GAREM1: variants seen among roughly 807,000 people sequenced by gnomAD.
GAREM1 encodes the protein GRB2-associated and regulator of MAPK protein 1.
Under a neutral mutation model 71.3 loss-of-function variants are expected in GAREM1, and 26 were observed. That is an observed-to-expected ratio of 0.36 (90% confidence interval 0.27 to 0.51). GAREM1 has a LOEUF of 0.51. Ranked by LOEUF, GAREM1 falls within the 20% of genes least tolerant of loss-of-function variation. The probability of loss-of-function intolerance (pLI) is 0.95; values close to 1 mark genes in which losing one functional copy is unlikely to be tolerated. For missense variants in GAREM1, 1,026 were observed against 1,103.1 expected, an observed-to-expected ratio of 0.93 and a Z score of 0.99; for synonymous variants, 440 against 433.2, an observed-to-expected ratio of 1.02 and a Z score of -0.20.
At chr18:32,281,731 T>C (rs2046952934) in intron 4 of GAREM1, among the ~76,000 whole-genome samples, 1 of 152,172 alleles carries the variant, frequency 6.6e-6, no homozygotes, top group Non-Finnish European at 1.5e-5. Context: ...TCCCAGCACT[T>C]TGGGAGGCTG....
chr18:32,432,653 C>T (rs1031282882), intron 1 of GAREM1, among the ~76,000 whole-genome samples: 1 of 151,998 alleles, frequency 6.6e-6, no homozygotes, highest in African/African-American at 2.4e-5. Flanking sequence ...AACAAGGTAG[C>T]ACTAAGAACA....
rs376682222 is a variant in GAREM1 at position 32,468,995 on chromosome 18, G to A, written c.121+1313C>T. ...CCGCCCCCACCCCACCGCTTCAACAGCTACTGTGATCTGCACTTCATTACT... is the reference window on the plus strand; with the variant it reads ...CCGCCCCCACCCCACCGCTTCAACAACTACTGTGATCTGCACTTCATTACT... On this transcript the variant is annotated intron_variant, in intron 1 of 5. Coordinates refer to ENST00000269209, the MANE Select transcript of GAREM1 (RefSeq NM_001242409.2). Among the ~76,000 whole-genome samples the A allele has an allele frequency of 1.1e-4, 6 of 55,006 alleles. No homozygotes were observed. In the East Asian group the frequency reaches 2.2e-3, roughly 20 times the overall value. 36.1% of individuals were successfully genotyped at this position (55,006 alleles called of 152,430 possible). A position where few individuals can be genotyped will look rare whatever the true frequency, so the allele number is the denominator to read the frequency against.
intron 1 of GAREM1, among the ~76,000 whole-genome samples, chr18:32,442,513 G>T (rs1490695758): frequency 1.3e-5 from 2 of 151,938 alleles, no homozygotes; most frequent in Non-Finnish European, 2.9e-5. Context: ...CATACTAAAG[G>T]ATGAAAAAAC....
At chr18:32,300,530 A>G (rs2047188488) in intron 3 of GAREM1, among the ~76,000 whole-genome samples, 1 of 152,200 alleles carries the variant, frequency 6.6e-6, no homozygotes, top group Non-Finnish European at 1.5e-5. Flanking sequence ...CATGACCAGG[A>G]GGATGGCAGA....
chr18:32,424,636 A>G (rs1229375112), intron 1 of GAREM1, among the ~76,000 whole-genome samples: 1 of 152,226 alleles, frequency 6.6e-6, no homozygotes, highest in Admixed American at 6.5e-5. Flanking sequence ...GATACTGTAT[A>G]TATTTGGAAC....
At chr18:32,323,315 T>C (rs1313455955) in intron 2 of GAREM1, among the ~76,000 whole-genome samples, 1 of 152,218 alleles carries the variant, frequency 6.6e-6, no homozygotes, top group East Asian at 1.9e-4. Context: ...AAGAAATGTG[T>C]GGGAAGTCTA....
chr18:32,361,550 T>A (rs1467538192), intron 2 of GAREM1, among the ~76,000 whole-genome samples: 1 of 152,238 alleles, frequency 6.6e-6, no homozygotes, highest in African/African-American at 2.4e-5. Context: ...TCTTCAAGTT[T>A]TGATTTTACA....
intron 3 of GAREM1, among the ~76,000 whole-genome samples, chr18:32,291,232 CA>C (rs1405540544): frequency 8.5e-6 from 1 of 117,666 alleles, no homozygotes; most frequent in Non-Finnish European, 1.8e-5. Context: ...AAATAAAGTG[CA>C]AAAAAAGTTT....
At chr18:32,286,034 A>G (rs948285778) in intron 4 of GAREM1, among the ~76,000 whole-genome samples, 2 of 152,216 alleles carry the variant, frequency 1.3e-5, no homozygotes, top group Admixed American at 1.3e-4. Flanking sequence ...GGATTCTTCT[A>G]GAGATAGAAA....
At chr18:32,295,747 G>A (rs1225425574) in intron 3 of GAREM1, among the ~76,000 whole-genome samples, 1 of 152,176 alleles carries the variant, frequency 6.6e-6, no homozygotes, top group Non-Finnish European at 1.5e-5. Flanking sequence ...GACATTGTAA[G>A]TACAGAAATG....
rs138503118 is a variant in GAREM1, at chr18:32,453,687, T to C, written c.121+16621A>G. Among the ~76,000 whole-genome samples, 346 of 152,264 alleles carry C rather than the reference T, an allele frequency of 2.3e-3. 3 individuals are homozygous for C. The highest frequency in any genetic ancestry group is 7.8e-3 in the African/African-American group (325 of 41,560). On this transcript the variant is annotated intron_variant, in intron 1 of 5. Coordinates refer to ENST00000269209, the MANE Select transcript of GAREM1 (RefSeq NM_001242409.2). The stretch of plus-strand genomic sequence containing the variant: ...ATGAACTCCTCTTAAGACTGTTAAT[T>C]ACATTTGCAGAGATCTTTTCTCAAA...
intron 2 of GAREM1, among the ~76,000 whole-genome samples, chr18:32,373,880 G>A (rs936078691): frequency 1.8e-4 from 28 of 152,266 alleles, no homozygotes; most frequent in African/African-American, 6.5e-4. Flanking sequence ...AGAATTCCTG[G>A]CAAAATGAAC....
At chr18:32,277,590 A>C (rs192454083) in intron 4 of GAREM1, among the ~76,000 whole-genome samples, 58 of 152,386 alleles carry the variant, frequency 3.8e-4, no homozygotes, top group African/African-American at 1.3e-3. Context: ...TCTATGGTCC[A>C]AATCAAACAC....
chr18:32,434,009 A>G (rs1171451792), intron 1 of GAREM1, among the ~76,000 whole-genome samples: 1 of 152,184 alleles, frequency 6.6e-6, no homozygotes, highest in East Asian at 1.9e-4. Flanking sequence ...TAAAATTGGA[A>G]GATTCACACT....
At chr18:32,323,090 G>A (rs1408878966) in intron 2 of GAREM1, among the ~76,000 whole-genome samples, 2 of 152,212 alleles carry the variant, frequency 1.3e-5, no homozygotes, top group Admixed American at 1.3e-4. Context: ...CATAGCTCCA[G>A]CACCTGCTGG....
In GAREM1 at chr18:32,265,496, CA is replaced by C. The variant is rs1253052572; in HGVS notation, c.*2374del. On this transcript the variant is annotated 3_prime_UTR_variant, in exon 6 of 6. Transcript: ENST00000269209. ...TAGCAACTGAGATTTCAAATATAAA[CA>C]ATATGATCTCCAAGAGGGCAGGGGC... The C allele has an allele frequency of 6.6e-6, 1 of 152,118 alleles. No homozygotes were observed. The highest frequency in any genetic ancestry group is 1.5e-5 in the Non-Finnish European group (1 of 68,044). 9.4% of individuals were successfully genotyped at this position (152,118 alleles called of 1,614,324 possible).
intron 1 of GAREM1, among the ~76,000 whole-genome samples, chr18:32,437,228 C>G (rs1028516881): frequency 6.6e-6 from 1 of 152,122 alleles, no homozygotes; most frequent in Non-Finnish European, 1.5e-5. Context: ...ACGTGTTACT[C>G]AGCAATGACC....
intron 2 of GAREM1, among the ~76,000 whole-genome samples, chr18:32,321,446 GA>G (rs1184884208): frequency 2.0e-5 from 3 of 152,076 alleles, no homozygotes; most frequent in Non-Finnish European, 4.4e-5. Context: ...CCTCCTGGGG[GA>G]ACTCCTCTAT....
chr18:32,270,499 G>T, intron 4 of GAREM1, 116 bp from the exon 5 acceptor site: 1 of 803,560 alleles, frequency 1.2e-6, no homozygotes, highest in Non-Finnish European at 1.9e-6. Context: ...CAGGGTGTAA[G>T]CATGGCAGAG....
Sources: gnomAD v4.1 joint callset for allele counts (sites outside exome capture counted in the v4.1 genomes callset) on GRCh38, gnomAD v4.1.1 for gene constraint, MANE v1.5 for transcripts, NCBI Gene and HGNC (gene_info 2026-07-23, HGNC 2026-07-21) for gene names.